RC3H2: variants seen among roughly 807,000 people sequenced by gnomAD.
RC3H2 encodes roquin-2.
In RC3H2, 31 loss-of-function variants were observed where a neutral mutation model predicts 133.3. The ratio of observed to expected loss-of-function variants is 0.23; its 90% CI spans 0.17 to 0.31. The LOEUF (loss-of-function observed/expected upper bound fraction) is 0.31, where lower values mean the gene tolerates loss of function less well. Among genes scored for constraint, RC3H2 ranks in the 10% least tolerant of loss-of-function variants. The probability of loss-of-function intolerance (pLI) is 1.00; values close to 1 mark genes in which losing one functional copy is unlikely to be tolerated. For synonymous variants in RC3H2, 517 were observed against 502.2 expected, an observed-to-expected ratio of 1.03 and a Z score of -0.40; for missense variants, 1,175 against 1,437.2, an observed-to-expected ratio of 0.82 and a Z score of 2.95.
At chr9:122,879,935 G>A in intron 7 of RC3H2, 58 bp downstream of exon 7, 1 of 1,610,910 alleles carries the variant, frequency 6.2e-7, no homozygotes, top group South Asian at 1.1e-5. Flanking sequence ...TAATTCTCTT[G>A]TGTTATTCAC....
chr9:122,849,938 T>C (rs542314876), intron 20 of RC3H2, 116 bp from the exon 21 acceptor site: 11 of 573,174 alleles, frequency 1.9e-5, no homozygotes, highest in African/African-American at 9.7e-5. Context: ...AGCAAAGACA[T>C]GTCTTTATCA....
chr9:122,879,901 G>A, intron 7 of RC3H2, 28 bp from the exon 8 acceptor site: 1 of 1,611,266 alleles, frequency 6.2e-7, no homozygotes, highest in Non-Finnish European at 8.5e-7. Context: ...GGGCATGGGG[G>A]TTGGGGGGGA....
intron 9 of RC3H2, among the ~76,000 whole-genome samples, chr9:122,868,895 G>GTGTT (rs1830916157): frequency 4.0e-5 from 4 of 99,584 alleles, no homozygotes; most frequent in African/African-American, 1.7e-4. Flanking sequence ...GTGTGTATGT[G>GTGTT]TTTTTTTTTT....
chr9:122,855,542 TAA>T, intron 14 of RC3H2, 145 bp from the exon 15 acceptor site: 1 of 937,298 alleles, frequency 1.1e-6, no homozygotes, highest in East Asian at 2.6e-5. Flanking sequence ...AAACTACCAG[TAA>T]ACCACCAATG....
chr9:122,867,014 C>A (rs1174806698), intron 9 of RC3H2, among the ~76,000 whole-genome samples: 3 of 133,618 alleles, frequency 2.2e-5, no homozygotes, highest in Non-Finnish European at 4.9e-5. Context: ...TTTGCCCCAC[C>A]GCCCCGTCTG....
intron 8 of RC3H2, among the ~76,000 whole-genome samples, chr9:122,878,259 CTTTTT>C (rs924991045): frequency 2.6e-5 from 4 of 151,978 alleles, no homozygotes; most frequent in Admixed American, 2.6e-4. Context: ...ACAGCACAAC[CTTTTT>C]TATTTTTTAT....
At chr9:122,880,308 CT>C in intron 6 of RC3H2, 183 bp from the exon 7 acceptor site, 1 of 836,478 alleles carries the variant, frequency 1.2e-6, no homozygotes, top group Non-Finnish European at 2.1e-6. Context: ...TCATTAGACA[CT>C]TAGAAAACTT....
Position 122,883,248 on chromosome 9 carries a change from T to C in RC3H2, c.715A>G (p.Ile239Val). Reference sequence around the variant, plus strand: ...TACAGTAGTTGCACAACATGACCAATACTTGTTTTTGATGCCTGAGGAAAT... The same window carrying C: ...TACAGTAGTTGCACAACATGACCAACACTTGTTTTTGATGCCTGAGGAAAT... ...PRFPQASKTSIGHVVQLLYRA... is the reference protein window; with the variant it reads ...PRFPQASKTSVGHVVQLLYRA... Residue 239 changes from isoleucine (I) to valine (V), a missense_variant, in exon 5 of 21, where the codon ATT (isoleucine) becomes GTT (valine). Physicochemically the swap from Ile to Val is conservative, Grantham distance 29. This residue lies in a region of RC3H2 where 121 missense variants were observed against 243.5 expected (regional missense o/e 0.50). Transcript: ENST00000357244. 1.9e-6 allele frequency: 3 copies of C among 1,613,774 alleles called. No homozygotes were observed. The highest frequency in any genetic ancestry group is 1.7e-6 in the Non-Finnish European group (2 of 1,179,914).
At chr9:122,882,643 C>CA (rs1191132458) in intron 5 of RC3H2, among the ~76,000 whole-genome samples, 1 of 152,160 alleles carries the variant, frequency 6.6e-6, no homozygotes, top group Non-Finnish European at 1.5e-5. Context: ...GACTATTAGA[C>CA]AATGAAACTA....
At position 122,905,290 on chromosome 9, in the gene RC3H2, T is replaced by C. The variant is rs1315840665; in HGVS notation, c.-248A>G. On this transcript the variant is annotated 5_prime_UTR_variant, in exon 1 of 21. Coordinates refer to ENST00000357244, the MANE Select transcript of RC3H2 (RefSeq NM_001100588.3). ...CGGCGGCGAAGGCCGCGACGGGGCC[T>C]CCTCCTCCTCCCTCCACCTCCGCCT... 1 of 951,812 alleles carries C rather than the reference T, an allele frequency of 1.1e-6. No homozygotes were observed. Among genetic ancestry groups the C allele is most frequent in the Non-Finnish European group, 1.3e-6 (1 of 798,740 alleles). 59.0% of individuals were successfully genotyped at this position (951,812 alleles called of 1,614,324 possible).
At chr9:122,855,429 C>A in intron 14 of RC3H2, 32 bp from the exon 15 acceptor site, 1 of 1,575,458 alleles carries the variant, frequency 6.3e-7, no homozygotes, top group East Asian at 2.2e-5. Context: ...AATAAAAGGA[C>A]TGTTGGCAAT....
chr9:122,850,435 T>TAGATAGATAG (rs1554766976), intron 20 of RC3H2, among the ~76,000 whole-genome samples: 1 of 149,862 alleles, frequency 6.7e-6, no homozygotes, highest in Admixed American at 6.7e-5. Context: ...GCTATCTATC[T>TAGATAGATAG]ATAGATAGAT....
At chr9:122,904,841 G>A (rs1405198316) in intron 1 of RC3H2, among the ~76,000 whole-genome samples, 1 of 152,218 alleles carries the variant, frequency 6.6e-6, no homozygotes, top group Non-Finnish European at 1.5e-5. Flanking sequence ...GGGTTCGTTA[G>A]GGGTCAGAGG....
chr9:122,854,175 C>G lies in RC3H2; in HGVS notation c.2982+10G>C. 1 of 1,613,202 alleles carries G rather than the reference C, an allele frequency of 6.2e-7. No homozygotes were observed. Among genetic ancestry groups the G allele is most frequent in the Non-Finnish European group, 8.5e-7 (1 of 1,179,640 alleles). On this transcript the variant is annotated intron_variant, in intron 17 of 20. Coordinates refer to ENST00000357244, the MANE Select transcript of RC3H2 (RefSeq NM_001100588.3). ...TTCTCAAAAATTTATAGCTGAGTTACAGAGCCTACCTGCTGAAGTTCAAGG... is the reference window on the plus strand; with the variant it reads ...TTCTCAAAAATTTATAGCTGAGTTAGAGAGCCTACCTGCTGAAGTTCAAGG...
intron 8 of RC3H2, among the ~76,000 whole-genome samples, chr9:122,878,869 C>T (rs1272070898): frequency 4.0e-5 from 6 of 151,218 alleles, no homozygotes; most frequent in South Asian, 2.1e-4. Flanking sequence ...CTGACTCAGC[C>T]GTCTCAGTAG....
chr9:122,875,255 C>G, intron 9 of RC3H2: 3 of 1,551,130 alleles, frequency 1.9e-6, no homozygotes, highest in Non-Finnish European at 2.6e-6. Flanking sequence ...TGCACACACA[C>G]TTATCTTCTC....
chr9:122,867,785 C>T (rs1393391503), intron 9 of RC3H2, among the ~76,000 whole-genome samples: 8 of 103,282 alleles, frequency 7.7e-5, no homozygotes, highest in Non-Finnish European at 9.9e-5. Flanking sequence ...ACCCTCCGCC[C>T]GGCAACCGCC....
rs78703653 is a variant in RC3H2 at position 122,864,068 on chromosome 9, A to G, written c.1634+1281T>C. Among the ~76,000 whole-genome samples the G allele has an allele frequency of 3.9e-3, 589 of 152,164 alleles. 18 individuals are homozygous for G. The highest frequency in any genetic ancestry group is 0.038 in the East Asian group (195 of 5,172). On this transcript the variant is annotated intron_variant, in intron 10 of 20. Coordinates refer to ENST00000357244, the MANE Select transcript of RC3H2 (RefSeq NM_001100588.3). ...AGTCCTTTAATAAACAATCTCCCCC[A>G]TCATGTGCTGACTGCAGAAGTAGCA...
chr9:122,897,642 T>A (rs1041322354), intron 1 of RC3H2, 66 bp from the exon 2 acceptor site: 30 of 1,095,826 alleles, frequency 2.7e-5, no homozygotes, highest in Non-Finnish European at 3.6e-5. Context: ...GTTAATTGCT[T>A]AAGTCAACTA....
Sources: gnomAD v4.1 joint callset for allele counts (sites outside exome capture counted in the v4.1 genomes callset) on GRCh38, gnomAD v4.1.1 for gene constraint, gnomAD v4.1.1 regional missense constraint, MANE v1.5 for transcripts, NCBI Gene and HGNC (gene_info 2026-07-23, HGNC 2026-07-21) for gene names.